Variants in RXFP1 observed in about 807,000 individuals in gnomAD.
RXFP1 encodes the protein relaxin receptor 1.
A neutral mutation model predicts 89.8 loss-of-function variants in RXFP1; 73 were observed. The observed-to-expected ratio is 0.81, with a 90% confidence interval of 0.67 to 0.99. RXFP1 has a LOEUF of 0.99. RXFP1 is among the 50% of genes least tolerant of loss of function. The pLI is 0.00. For synonymous variants in RXFP1, 277 were observed against 305.5 expected (o/e 0.91, Z 0.97); for missense variants, 793 against 895.5 (o/e 0.89, Z 1.46).
intron 16 of RXFP1, 145 bp downstream of exon 16, chr4:158,647,346 T>A (rs1356369529): frequency 9.4e-6 from 6 of 638,592 alleles, no homozygotes; most frequent in Non-Finnish European, 1.3e-5. Flanking sequence ...AATTCCAACC[T>A]GACACAGCTT....
Position 158,612,215 on chromosome 4 carries a change from A to G in RXFP1, c.608+14A>G. ...ACTAGAATGGCTGTATGTTTAATTT[A>G]TGTGGCATTTTATTGCACTAGTTTT... On this transcript the variant is annotated intron_variant, in intron 7 of 17. Transcript: ENST00000307765. 6.2e-7 allele frequency: 1 copy of G among 1,608,646 alleles called. No homozygotes were observed. Among genetic ancestry groups the G allele is most frequent in the South Asian group, 1.1e-5 (1 of 89,694 alleles).
In RXFP1 at chr4:158,627,504, G is replaced by GGTGTGT. The variant is rs35872724; in HGVS notation, c.827+654_827+659dup. ...AAATGTATTGTTTCATGAGCCTTAGGGTGTGTGTGTGTGTGTGTGTGTGTG... is the reference window on the plus strand; with the variant it reads ...AAATGTATTGTTTCATGAGCCTTAGGGTGTGTGTGTGTGTGTGTGTGTGTGTGTGTG... On this transcript the variant is annotated intron_variant, in intron 10 of 17. Transcript: ENST00000307765. 8.8e-3 allele frequency among the ~76,000 whole-genome samples: 1,268 copies of GGTGTGT among 143,426 alleles called. 23 individuals carry two copies. Among genetic ancestry groups the GGTGTGT allele is most frequent in the African/African-American group, 0.03 (1,179 of 38,834 alleles). 94.1% of individuals were successfully genotyped at this position (143,426 alleles called of 152,430 possible). A position where few individuals can be genotyped will look rare whatever the true frequency, so the allele number is the denominator to read the frequency against.
At chr4:158,592,834 T>C (rs1352021459) in intron 2 of RXFP1, among the ~76,000 whole-genome samples, 1 of 152,032 alleles carries the variant, frequency 6.6e-6, no homozygotes, top group Non-Finnish European at 1.5e-5. Flanking sequence ...CGCACGCCTG[T>C]AATCCCAACA....
At chr4:158,546,934 G>A (rs1748602765) in intron 1 of RXFP1, among the ~76,000 whole-genome samples, 1 of 152,000 alleles carries the variant, frequency 6.6e-6, no homozygotes. Context: ...TCTCTGCCCG[G>A]CTTTGGTATC....
chr4:158,551,195 T>C (rs139316295), intron 1 of RXFP1, among the ~76,000 whole-genome samples: 4 of 152,308 alleles, frequency 2.6e-5, no homozygotes, highest in African/African-American at 9.6e-5. Context: ...CATTATGCTA[T>C]GTGAAATAAG....
chr4:158,563,948 TATAA>T (rs1423981333), intron 1 of RXFP1, among the ~76,000 whole-genome samples: 3 of 148,532 alleles, frequency 2.0e-5, no homozygotes, highest in South Asian at 4.2e-4. Context: ...ACATGTTATA[TATAA>T]ATGTTATAAT....
At chr4:158,581,983 G>A (rs1757460200) in intron 2 of RXFP1, among the ~76,000 whole-genome samples, 1 of 152,108 alleles carries the variant, frequency 6.6e-6, no homozygotes, top group Non-Finnish European at 1.5e-5. Flanking sequence ...AGGAGGGGAG[G>A]TACCAGGCTC....
At chr4:158,544,145 C>CG (rs1747575762) in intron 1 of RXFP1, 1 of 982,446 alleles carries the variant, frequency 1.0e-6, no homozygotes, top group Non-Finnish European at 1.2e-6. Context: ...GAAGGAGAAT[C>CG]TAGAACCACT....
chr4:158,540,361 T>C (rs1384911982), intron 1 of RXFP1, among the ~76,000 whole-genome samples: 1 of 152,114 alleles, frequency 6.6e-6, no homozygotes, highest in East Asian at 1.9e-4. Flanking sequence ...ATAGGGTAAC[T>C]GACATTGCCA....
chr4:158,528,055 A>G (rs1318934178), intron 1 of RXFP1, among the ~76,000 whole-genome samples: 1 of 152,186 alleles, frequency 6.6e-6, no homozygotes, highest in African/African-American at 2.4e-5. Context: ...CCAATACACT[A>G]AGCTAGTATA....
At chr4:158,545,282 T>G (rs1170476960) in intron 1 of RXFP1, among the ~76,000 whole-genome samples, 1 of 152,140 alleles carries the variant, frequency 6.6e-6, no homozygotes, top group Non-Finnish European at 1.5e-5. Flanking sequence ...CTTCGCCCAC[T>G]TTTTGATGGG....
chr4:158,542,160 G>A (rs1373224474), intron 1 of RXFP1, among the ~76,000 whole-genome samples: 2 of 137,324 alleles, frequency 1.5e-5, no homozygotes, highest in African/African-American at 2.7e-5. Flanking sequence ...GGCTGGTCTC[G>A]AACTCCTGAC....
chr4:158,532,871 T>C (rs1251991241), intron 1 of RXFP1, among the ~76,000 whole-genome samples: 2 of 152,206 alleles, frequency 1.3e-5, no homozygotes, highest in Non-Finnish European at 2.9e-5. Context: ...CCTAGAGATG[T>C]GCCCTTTCTT....
At chr4:158,579,160 G>A (rs1202999472) in intron 2 of RXFP1, among the ~76,000 whole-genome samples, 1 of 151,734 alleles carries the variant, frequency 6.6e-6, no homozygotes, top group Non-Finnish European at 1.5e-5. Flanking sequence ...GAAGCTGAAA[G>A]AGGCAAGGAA....
chr4:158,627,329 T>G (rs1205333709), intron 10 of RXFP1, among the ~76,000 whole-genome samples: 2 of 152,188 alleles, frequency 1.3e-5, no homozygotes, highest in Non-Finnish European at 2.9e-5. Context: ...TCACAGCTTA[T>G]TTTACCAGAA....
Position 158,608,007 on chromosome 4 carries a change from T to G in RXFP1, c.500T>G (p.Ile167Ser). The G allele has an allele frequency of 6.2e-7, 1 of 1,609,234 alleles. No individual in the cohort carries two copies. Among genetic ancestry groups the G allele is most frequent in the Non-Finnish European group, 8.5e-7 (1 of 1,176,482 alleles). ...AACAATAAGATTACATCCATCTCCA[T>G]CTATGCTTTCAGAGGACTGAATAGC... ...LQNNKITSIS[I>S]YAFRGLNSLT... Residue 167 changes from isoleucine (I) to serine (S), a missense_variant, in exon 6 of 18, where the codon ATC becomes AGC. Coordinates refer to ENST00000307765, the MANE Select transcript of RXFP1 (RefSeq NM_021634.4).
intron 2 of RXFP1, among the ~76,000 whole-genome samples, chr4:158,584,008 C>T (rs1043448249): frequency 2.6e-5 from 4 of 152,174 alleles, no homozygotes; most frequent in Admixed American, 1.3e-4. Context: ...TGCATTCCAG[C>T]GTTTACTCTG....
At chr4:158,644,606 G>T (rs992303352) in intron 14 of RXFP1, among the ~76,000 whole-genome samples, 13 of 152,066 alleles carry the variant, frequency 8.5e-5, no homozygotes, top group Non-Finnish European at 1.8e-4. Context: ...GTACGATAAC[G>T]GTTTCTCTGG....
intron 6 of RXFP1, 120 bp from the exon 7 acceptor site, chr4:158,612,010 G>T (rs998723484): frequency 2.8e-6 from 2 of 713,486 alleles, no homozygotes; most frequent in Non-Finnish European, 4.7e-6. Flanking sequence ...CAAAGGCAGG[G>T]AAGTGGCATG....
Sources: gnomAD v4.1 joint callset for allele counts (sites outside exome capture counted in the v4.1 genomes callset) on GRCh38, gnomAD v4.1.1 for gene constraint, MANE v1.5 for transcripts, NCBI Gene and HGNC (gene_info 2026-07-23, HGNC 2026-07-21) for gene names.